CALD1: variants seen among roughly 807,000 people sequenced by gnomAD.
The protein encoded by CALD1 is caldesmon 1.
Under a neutral mutation model 99.9 loss-of-function variants are expected in CALD1, and 33 were observed. That is an observed-to-expected ratio of 0.33 (90% confidence interval 0.25 to 0.44). The LOEUF (loss-of-function observed/expected upper bound fraction) is 0.44, where lower values mean the gene tolerates loss of function less well. CALD1 is among the 20% of genes least tolerant of loss of function. The pLI, the probability that CALD1 is intolerant of heterozygous loss-of-function variation, is 1.00. For missense variants in CALD1, 861 were observed against 962.1 expected (o/e 0.89, Z 1.39); for synonymous variants, 310 against 325.0 (o/e 0.95, Z 0.50).
chr7:134,763,498 G>C (rs1313256537), intron 1 of CALD1, among the ~76,000 whole-genome samples: 1 of 152,130 alleles, frequency 6.6e-6, no homozygotes, highest in Non-Finnish European at 1.5e-5. Flanking sequence ...CATCTCTCCA[G>C]ACTGGCCAGC....
Position 134,933,783 on chromosome 7 carries a change from A to G in CALD1, c.1014A>G (p.Ala338=), listed in dbSNP as rs1563109873. The part of the protein sequence containing the change: ...RQRIKEEEKR[A]AEERQRIKEE... ...GGATAAAGGAGGAAGAGAAAAGGGC[A>G]GCAGAGGAGAGGCAGAGGATAAAGG... is the stretch of plus-strand genomic sequence containing the variant. Residue 338 remains alanine (A), a synonymous_variant, in exon 5 of 15, where the codon GCA becomes GCG. Coordinates refer to ENST00000361675, the MANE Select transcript of CALD1 (RefSeq NM_033138.4). 1 of 1,551,708 alleles carries G rather than the reference A, an allele frequency of 6.4e-7. No homozygotes were observed. Among genetic ancestry groups the G allele is most frequent in the Non-Finnish European group, 8.7e-7 (1 of 1,147,266 alleles).
intron 1 of CALD1, among the ~76,000 whole-genome samples, chr7:134,817,241 C>G (rs6467560): frequency 0.62 from 93,678 of 151,958 alleles, 29,299 homozygotes; most frequent in East Asian, 0.95. Flanking sequence ...TATGGACATA[C>G]ACCCTCTTGA....
intron 1 of CALD1, among the ~76,000 whole-genome samples, chr7:134,808,255 C>T (rs1003958369): frequency 7.4e-6 from 1 of 135,538 alleles, no homozygotes; most frequent in African/African-American, 2.8e-5. Flanking sequence ...CATGTGCTAT[C>T]ATGCTGGGCT....
chr7:134,726,471 AGATATATAATATATAT>A, the CALD1 span, among the ~76,000 whole-genome samples: 19 of 105,900 alleles, frequency 1.8e-4, 1 homozygote, highest in African/African-American at 5.1e-4. Context: ...ATATAGCTTT[AGATATATAATATATAT>A]TATATAGCTT....
rs371011285 is a variant in CALD1, at chr7:134,903,281, T to A, written c.72-25473T>A. ...ACAATGGCAAGAGTGAACCCTAATG[T>A]AAACTATGGACTTTGGGTGATACTG... On this transcript the variant is annotated intron_variant, in intron 3 of 14. Coordinates refer to ENST00000361675, the MANE Select transcript of CALD1 (RefSeq NM_033138.4). 2.0e-4 allele frequency among the ~76,000 whole-genome samples: 30 copies of A among 152,236 alleles called. 1 individual carries two copies. Among genetic ancestry groups the A allele is most frequent in the African/African-American group, 7.2e-4 (30 of 41,492 alleles).
At chr7:134,904,252 A>T (rs1015955504) in intron 3 of CALD1, among the ~76,000 whole-genome samples, 1 of 151,942 alleles carries the variant, frequency 6.6e-6, no homozygotes, top group Admixed American at 6.6e-5. Context: ...ATAAATAAAT[A>T]AAAGCAATAA....
chr7:134,826,050 T>TA (rs777711032), intron 1 of CALD1, among the ~76,000 whole-genome samples: 47 of 151,612 alleles, frequency 3.1e-4, no homozygotes, highest in Non-Finnish European at 4.1e-4. Flanking sequence ...CTACTGTTTA[T>TA]ATAAAAAAAA....
the CALD1 span, among the ~76,000 whole-genome samples, chr7:134,716,417 A>G: frequency 1.3e-5 from 2 of 152,238 alleles, no homozygotes; most frequent in Non-Finnish European, 2.9e-5. Flanking sequence ...TCCAGTGGAC[A>G]AGACTCTGTG....
chr7:134,952,787 G>A (rs1022920719), intron 9 of CALD1, among the ~76,000 whole-genome samples: 3 of 152,074 alleles, frequency 2.0e-5, no homozygotes, highest in Admixed American at 2.0e-4. Context: ...CTTTATGATG[G>A]TCTAGGTCCC....
At chr7:134,775,373 T>C (rs1423175142), upstream of CALD1, among the ~76,000 whole-genome samples, 1 of 152,202 alleles carries the variant, frequency 6.6e-6, no homozygotes, top group Non-Finnish European at 1.5e-5. Flanking sequence ...TTTACTATTG[T>C]TTTGTCAAGT....
chr7:134,721,328 G>GC, the CALD1 span, among the ~76,000 whole-genome samples: 16 of 62,286 alleles, frequency 2.6e-4, 1 homozygote, highest in African/African-American at 1.4e-3. Context: ...TAAGTCATCT[G>GC]CAAAAAAAAA....
the CALD1 span, among the ~76,000 whole-genome samples, chr7:134,738,547 G>C: frequency 6.6e-6 from 1 of 152,044 alleles, no homozygotes; most frequent in Admixed American, 6.6e-5. Flanking sequence ...CTATTATCTG[G>C]CCTCCAATTA....
At position 134,968,332 on chromosome 7, in the gene CALD1, C is replaced by G; in HGVS notation, c.2377-8C>G. ...GGCTGTCAATTTCAAGTTCTCTTCT[C>G]TTGGCAGGTTTGAGACAGTTCCAGA... On this transcript the variant is annotated splice_region_variant and splice_polypyrimidine_tract_variant and intron_variant, in intron 14 of 14. Transcript: ENST00000361675. The G allele has an allele frequency of 1.9e-6, 3 of 1,613,772 alleles. No homozygotes were observed. The highest frequency in any genetic ancestry group is 2.5e-6 in the Non-Finnish European group (3 of 1,179,734).
At chr7:134,826,079 C>T (rs1408476602) in intron 1 of CALD1, among the ~76,000 whole-genome samples, 1 of 152,028 alleles carries the variant, frequency 6.6e-6, no homozygotes, top group Non-Finnish European at 1.5e-5. Flanking sequence ...CAAAATCTCC[C>T]CAAACTACTG....
chr7:134,955,556 C>T (rs910190775), intron 9 of CALD1, among the ~76,000 whole-genome samples: 2 of 152,234 alleles, frequency 1.3e-5, no homozygotes, highest in Non-Finnish European at 2.9e-5. Context: ...GAGCCCTCTT[C>T]ATGGCTTGCA....
chr7:134,761,963 G>T (rs1475385471), intron 1 of CALD1, among the ~76,000 whole-genome samples: 1 of 152,128 alleles, frequency 6.6e-6, no homozygotes. Flanking sequence ...CCCCAGTTTG[G>T]CTCCCTACCA....
the CALD1 span, among the ~76,000 whole-genome samples, chr7:134,729,059 C>T: frequency 2.0e-5 from 3 of 151,914 alleles, no homozygotes; most frequent in Non-Finnish European, 4.4e-5. Flanking sequence ...ACCATGTTGG[C>T]CAGGCTGATC....
intron 1 of CALD1, among the ~76,000 whole-genome samples, chr7:134,782,292 T>C (rs1027316291): frequency 6.6e-6 from 1 of 152,158 alleles, no homozygotes; most frequent in Admixed American, 6.5e-5. Context: ...GCAAATAGCA[T>C]GGTAGGACTA....
the CALD1 span, among the ~76,000 whole-genome samples, chr7:134,714,473 C>T: frequency 5.3e-5 from 8 of 152,174 alleles, no homozygotes; most frequent in Non-Finnish European, 8.8e-5. Flanking sequence ...GCCCACCTTG[C>T]TCTCATCTTA....
Sources: gnomAD v4.1 joint callset for allele counts (sites outside exome capture counted in the v4.1 genomes callset) on GRCh38, gnomAD v4.1.1 for gene constraint, MANE v1.5 for transcripts, NCBI Gene and HGNC (gene_info 2026-07-23, HGNC 2026-07-21) for gene names.